The following ZNF536 variants were observed in gnomAD, a reference collection of about 807,000 sequenced individuals.
The protein encoded by ZNF536 is zinc finger protein 536.
Under a neutral mutation model 84.5 loss-of-function variants are expected in ZNF536, and 13 were observed. The observed-to-expected ratio is 0.15, with a 90% CI of 0.10 to 0.24. ZNF536 has a LOEUF of 0.24. ZNF536 is among the 10% of genes least tolerant of loss of function. The probability of loss-of-function intolerance (pLI) is 1.00; values close to 1 mark genes in which losing one functional copy is unlikely to be tolerated. For missense variants in ZNF536, 1,536 were observed against 1,747.5 expected (o/e 0.88, Z 2.16); for synonymous variants, 811 against 742.5 (o/e 1.09, Z -1.50).
chr19:30,481,355 A>G (rs530073584), intron 2 of ZNF536, among the ~76,000 whole-genome samples: 1 of 152,218 alleles, frequency 6.6e-6, no homozygotes, highest in East Asian at 1.9e-4. Context: ...GTTTTTCTGG[A>G]CCCAGGCTTC....
At chr19:30,273,988 T>C (rs2025993374) in intron 1 of ZNF536, among the ~76,000 whole-genome samples, 1 of 152,230 alleles carries the variant, frequency 6.6e-6, no homozygotes, top group African/African-American at 2.4e-5. Context: ...ATTATTATTT[T>C]CCTCTTTCTA....
At chr19:30,341,636 T>A in intron 2 of ZNF536, among the ~76,000 whole-genome samples, 1 of 152,162 alleles carries the variant, frequency 6.6e-6, no homozygotes, top group Non-Finnish European at 1.5e-5. Context: ...CTCATCTCTT[T>A]GTGCAGTAGA....
intron 1 of ZNF536, among the ~76,000 whole-genome samples, chr19:30,670,275 C>G (rs2050495238): frequency 1.3e-5 from 2 of 152,190 alleles, no homozygotes; most frequent in African/African-American, 4.8e-5. Context: ...TTCTCATTCG[C>G]TTAGTGCACT....
chr19:30,544,933 C>A (rs1599753465), intron 3 of ZNF536, among the ~76,000 whole-genome samples: 1 of 152,166 alleles, frequency 6.6e-6, no homozygotes, highest in African/African-American at 2.4e-5. Context: ...GCGTGGGTGT[C>A]CAGTCCCTAG....
In ZNF536 at chr19:30,681,126, G is replaced by A. The variant is rs1303001302; in HGVS notation, c.170-29631G>A. On this transcript the variant is annotated intron_variant, in intron 1 of 1. Transcript: ENST00000592773. ...CTTTCCGACTTTCCGAACCCCAGGGGCAACCACACTTGATCTGGGATGAAT... is the reference window on the plus strand; with the variant it reads ...CTTTCCGACTTTCCGAACCCCAGGGACAACCACACTTGATCTGGGATGAAT... Among the ~76,000 whole-genome samples the A allele has an allele frequency of 2.6e-5, 4 of 152,114 alleles. No homozygotes were observed. In the South Asian group the frequency reaches 8.3e-4, roughly 32 times the overall value.
At chr19:30,630,908 G>A (rs1471008964) in intron 1 of ZNF536, among the ~76,000 whole-genome samples, 1 of 152,234 alleles carries the variant, frequency 6.6e-6, no homozygotes, top group Non-Finnish European at 1.5e-5. Context: ...AGACCAGCCT[G>A]TTCTGCAAGG....
chr19:30,708,795 C>T (rs12976780), intron 1 of ZNF536, among the ~76,000 whole-genome samples: 7,349 of 152,284 alleles, frequency 0.048, 241 homozygotes, highest in East Asian at 0.14. Flanking sequence ...CTGCTTCCAA[C>T]GTTGCATTGG....
At chr19:30,631,465 C>T (rs2048886906) in intron 1 of ZNF536, among the ~76,000 whole-genome samples, 1 of 152,200 alleles carries the variant, frequency 6.6e-6, no homozygotes, top group Admixed American at 6.5e-5. Flanking sequence ...AACGGGTTGG[C>T]TTTCCAGAGC....
At chr19:30,531,236 A>G (rs781172184) in intron 2 of ZNF536, among the ~76,000 whole-genome samples, 3 of 152,270 alleles carry the variant, frequency 2.0e-5, no homozygotes, top group Non-Finnish European at 4.4e-5. Context: ...TATCCAAGAT[A>G]GAAAGATAAA....
Position 30,510,699 on chromosome 19 carries a change from T to C in ZNF536, c.2171-24148T>C, listed in dbSNP as rs2055374164. ...CAGACATCAGAGCTTCCTGGAAAGC[T>C]AGAAGTAGGTGGCTCTCAGCCCAGA... On this transcript the variant is annotated intron_variant, in intron 2 of 4. Transcript: ENST00000355537. Among the ~76,000 whole-genome samples the C allele has an allele frequency of 2.6e-5, 4 of 152,316 alleles. No homozygotes were observed. In the South Asian group the frequency reaches 8.3e-4, roughly 32 times the overall value.
At chr19:30,455,850 C>T (rs1349056294) in intron 2 of ZNF536, among the ~76,000 whole-genome samples, 6 of 152,120 alleles carry the variant, frequency 3.9e-5, no homozygotes, top group Non-Finnish European at 8.8e-5. Context: ...TTTTCCAGTC[C>T]TTTTTATGCA....
intron 1 of ZNF536, among the ~76,000 whole-genome samples, chr19:30,237,677 G>A (rs1320353648): frequency 6.6e-6 from 1 of 152,110 alleles, no homozygotes; most frequent in East Asian, 1.9e-4. Flanking sequence ...AGAGTCTAAA[G>A]GAGGATTCTT....
chr19:30,448,351 T>A (rs1435909231), intron 2 of ZNF536, among the ~76,000 whole-genome samples: 1 of 152,184 alleles, frequency 6.6e-6, no homozygotes, highest in African/African-American at 2.4e-5. Context: ...TTGACTTGTA[T>A]AGAAGTGCGA....
chr19:30,612,830 T>C (rs905947067), intron 1 of ZNF536, among the ~76,000 whole-genome samples: 8 of 152,200 alleles, frequency 5.3e-5, no homozygotes, highest in African/African-American at 1.4e-4. Context: ...AATTAATCTA[T>C]AGACCTTGTT....
At chr19:30,499,372 T>A (rs953363299) in intron 2 of ZNF536, among the ~76,000 whole-genome samples, 6 of 152,206 alleles carry the variant, frequency 3.9e-5, no homozygotes, top group Non-Finnish European at 8.8e-5. Flanking sequence ...TTTGTATGAA[T>A]GTATGTATAT....
At chr19:30,328,352 G>T (rs751879193) in intron 2 of ZNF536, among the ~76,000 whole-genome samples, 15 of 152,134 alleles carry the variant, frequency 9.9e-5, no homozygotes, top group Non-Finnish European at 1.9e-4. Context: ...ATTCTCATTC[G>T]AGCTCATGTC....
chr19:30,549,216 A>G lies in ZNF536; in HGVS notation c.3597A>G (p.Lys1199=). Residue 1199 remains lysine, a synonymous_variant, in exon 4 of 5, where the codon AAA becomes AAG. Coordinates refer to ENST00000355537, the MANE Select transcript of ZNF536 (RefSeq NM_014717.3). Reference sequence around the variant, plus strand: ...CCAAGCCACTGTCTGCCCTCAGCAAAGACAGCAGCAGCGATGGCGGGGACA... The same window carrying G: ...CCAAGCCACTGTCTGCCCTCAGCAAGGACAGCAGCAGCGATGGCGGGGACA... ...MMTKPLSALS[K]DSSSDGGDSL... 1.9e-6 allele frequency: 3 copies of G among 1,614,108 alleles called. No homozygotes were observed. Among genetic ancestry groups the G allele is most frequent in the Non-Finnish European group, 2.5e-6 (3 of 1,180,046 alleles).
At chr19:30,374,427 T>C (rs1046842831) in intron 1 of ZNF536, among the ~76,000 whole-genome samples, 1 of 152,192 alleles carries the variant, frequency 6.6e-6, no homozygotes, top group African/African-American at 2.4e-5. Flanking sequence ...CTAATTGCTC[T>C]GTACTAATGT....
chr19:30,477,650 A>T (rs760943590), intron 2 of ZNF536, among the ~76,000 whole-genome samples: 1 of 152,228 alleles, frequency 6.6e-6, no homozygotes, highest in Non-Finnish European at 1.5e-5. Context: ...TCTCACTGAC[A>T]GGGGCTGTGT....
Sources: allele counts gnomAD v4.1 joint callset (sites outside exome capture counted in the v4.1 genomes callset), GRCh38; gene constraint gnomAD v4.1.1; transcripts MANE v1.5; gene names NCBI Gene and HGNC (gene_info 2026-07-23, HGNC 2026-07-21).